Variants in PROM2 observed in about 807,000 individuals in gnomAD.
PROM2 encodes the protein prominin-2.
In PROM2, 90 loss-of-function variants were observed where a neutral mutation model predicts 110.2. That is an observed-to-expected ratio of 0.82 (90% CI 0.69 to 0.97). The LOEUF (loss-of-function observed/expected upper bound fraction) is 0.97, where lower values mean the gene tolerates loss of function less well. Ranked by LOEUF, PROM2 falls within the 50% of genes least tolerant of loss-of-function variation. The pLI is 0.00. For synonymous variants in PROM2, 470 were observed against 467.8 expected (o/e 1.00, Z -0.06); for missense variants, 1,009 against 1,074.8 (o/e 0.94, Z 0.86).
Position 95,288,217 on chromosome 2 carries a change from C to G in PROM2, c.2251C>G (p.Gln751Glu). ...CCTCATGTTGGCGCCACAGGTGACT[C>G]AGCGCATTGCCACCTGCCAGCCCCT... is the stretch of plus-strand genomic sequence containing the variant. ...YVAWVREEVT[Q>E]RIATCQPLSG... The change falls in exon 21 of 24, where the codon CAG becomes GAG. Residue 751 changes from glutamine to glutamate, a missense_variant. Transcript: ENST00000317620. 2 of 1,613,712 alleles carry G rather than the reference C, an allele frequency of 1.2e-6. No homozygotes were observed. Among genetic ancestry groups the G allele is most frequent in the Non-Finnish European group, 1.7e-6 (2 of 1,180,010 alleles).
intron 16 of PROM2, 29 bp from the exon 17 acceptor site, chr2:95,286,450 G>A (rs1350538179): frequency 3.0e-5 from 48 of 1,601,416 alleles, no homozygotes; most frequent in Non-Finnish European, 4.0e-5. Flanking sequence ...GTCCTGGGCG[G>A]GGCCGTTCTG....
chr2:95,282,013 A>T lies in PROM2; in HGVS notation c.1640A>T (p.Tyr547Phe). ...AAGAACATCAGCATCCACCAAGCCTATCAGTGAGTGGACAGCCTGGGCAGA... is the reference window on the plus strand; with the variant it reads ...AAGAACATCAGCATCCACCAAGCCTTTCAGTGAGTGGACAGCCTGGGCAGA... ...LRKNISIHQA[Y>F]QQCKEGAALW... The change falls in exon 13 of 24, where the codon TAT (tyrosine) becomes TTT (phenylalanine). Residue 547 changes from tyrosine to phenylalanine, a missense_variant. Tyr to Phe is a conservative substitution (Grantham distance 22). Transcript: ENST00000317620. The T allele has an allele frequency of 6.2e-7, 1 of 1,614,038 alleles. No individual in the cohort carries two copies. Among genetic ancestry groups the T allele is most frequent in the African/African-American group, 1.3e-5 (1 of 75,042 alleles).
intron 14 of PROM2, among the ~76,000 whole-genome samples, chr2:95,284,156 G>A (rs543802850): frequency 8.7e-4 from 133 of 152,316 alleles, no homozygotes; most frequent in Non-Finnish European, 1.6e-3. Flanking sequence ...AGGGCAGGGG[G>A]CCCTGAGGGC....
chr2:95,278,779 T>C lies in PROM2; in HGVS notation c.1109T>C (p.Val370Ala), dbSNP rs762479534. Residue 370 changes from valine (V) to alanine (A), a missense_variant, in exon 9 of 24, where the codon GTG becomes GCG. Val to Ala is a moderately conservative substitution (Grantham distance 64, BLOSUM62 0). Transcript: ENST00000317620. Reference sequence around the variant, plus strand: ...GCTGCCATGCAGACATCCAGCGTGGTGCAAGGTTAGGCCACACGGGTCAGA... The same window carrying C: ...GCTGCCATGCAGACATCCAGCGTGGCGCAAGGTTAGGCCACACGGGTCAGA... ...ALAAMQTSSV[V>A]QELKKAVAQQ... 10 of 1,613,860 alleles carry C rather than the reference T, an allele frequency of 6.2e-6. No individual in the cohort carries two copies. In the Admixed American group the frequency reaches 1.0e-4, roughly 16 times the overall value.
intron 11 of PROM2, among the ~76,000 whole-genome samples, chr2:95,280,477 G>T (rs1169186094): frequency 1.3e-5 from 2 of 152,162 alleles, no homozygotes; most frequent in Admixed American, 1.3e-4. Flanking sequence ...GAGCCCCCTG[G>T]TCTAAGATCT....
At chr2:95,281,862 G>A in intron 12 of PROM2, 63 bp from the exon 13 acceptor site, 1 of 1,154,348 alleles carries the variant, frequency 8.7e-7, no homozygotes, top group Non-Finnish European at 1.3e-6. Flanking sequence ...CCAGGCCCTA[G>A]GGGACCAGGG....
chr2:95,284,495 CCCAA>C (rs1426552112), intron 14 of PROM2, among the ~76,000 whole-genome samples: 2 of 151,616 alleles, frequency 1.3e-5, no homozygotes, highest in African/African-American at 4.8e-5. Context: ...TGTCCGCTTC[CCCAA>C]CCAAAAAAAA....
intron 14 of PROM2, 51 bp downstream of exon 14, chr2:95,282,277 T>C (rs1677097017): frequency 6.8e-7 from 1 of 1,467,890 alleles, no homozygotes. Flanking sequence ...ATCCCCCTCC[T>C]CTGGTCTTTT....
At position 95,284,992 on chromosome 2, in the gene PROM2, G is replaced by A. The variant is rs1382044484; in HGVS notation, c.1752G>A (p.Glu584=). Residue 584 remains glutamate, a synonymous_variant, in exon 15 of 24, where the codon GAG becomes GAA. Coordinates refer to ENST00000317620, the MANE Select transcript of PROM2 (RefSeq NM_001165978.3). ...INQYTNKLRQ[E]LQSLKVDTQS... is the part of the protein sequence containing the mutation. ...AGTATACCAACAAGCTACGGCAGGA[G>A]TTGCAGAGCCTGAAAGTAGACACAC... is the stretch of plus-strand genomic sequence containing the variant. 3.7e-6 allele frequency: 6 copies of A among 1,609,674 alleles called. No individual in the cohort carries two copies. The African/African-American group carries it at 6.7e-5, about 18-fold the overall frequency.
In PROM2 at chr2:95,282,176, C is replaced by G; in HGVS notation, c.1678C>G (p.Leu560Val). 1 of 1,614,040 alleles carries G rather than the reference C, an allele frequency of 6.2e-7. No individual in the cohort carries two copies. The highest frequency in any genetic ancestry group is 2.2e-5 in the East Asian group (1 of 44,860). ...CKEGAALWTV[L>V]QLNDSYDLEE... is the part of the protein sequence containing the mutation. ...GGAAGGGGCAGCGCTCTGGACAGTC[C>G]TGCAGCTCAACGACTCCTACGACCT... The change falls in exon 14 of 24, where the codon CTG becomes GTG. Residue 560 changes from leucine (L) to valine (V), a missense_variant. Coordinates refer to ENST00000317620, the MANE Select transcript of PROM2 (RefSeq NM_001165978.3).
chr2:95,282,078 C>T, intron 13 of PROM2, 62 bp downstream of exon 13: 1 of 1,594,788 alleles, frequency 6.3e-7, no homozygotes, highest in East Asian at 2.2e-5. Context: ...CGGTGTCCCT[C>T]AGGGGACATC....
intron 12 of PROM2, 31 bp downstream of exon 12, chr2:95,281,396 G>A (rs747361413): frequency 1.2e-6 from 2 of 1,601,716 alleles, no homozygotes; most frequent in South Asian, 2.2e-5. Context: ...AGGCCCTCCT[G>A]GGGAGAGAGG....
intron 18 of PROM2, 57 bp downstream of exon 18, chr2:95,286,914 G>A: frequency 1.9e-6 from 3 of 1,573,412 alleles, no homozygotes; most frequent in South Asian, 2.2e-5. Flanking sequence ...AGGCGGGGAG[G>A]AAGTAGGAGC....
intron 6 of PROM2, 92 bp downstream of exon 6, chr2:95,277,153 C>A: frequency 8.0e-7 from 1 of 1,247,844 alleles, no homozygotes; most frequent in Non-Finnish European, 1.1e-6. Context: ...TTTCCTGAGC[C>A]ACCTCTGCCC....
At position 95,276,044 on chromosome 2, in the gene PROM2, G is replaced by A. The variant is rs534610509; in HGVS notation, c.409G>A (p.Gly137Arg). The A allele has an allele frequency of 1.1e-3, 1,744 of 1,611,360 alleles. 29 individuals carry two copies. The South Asian group carries it at 0.018, about 16-fold the overall frequency. ...CTGCTGCCGCTGCCACCGGCGCTGC[G>A]GGGGACGAGTGAAGACAGAGCACAA... ...FCCCRCHRRC[G>R]GRVKTEHKAL... The change falls in exon 3 of 24, where the codon GGG becomes AGG. Residue 137 changes from glycine (G) to arginine (R), a missense_variant. By Grantham distance (125) the Gly-to-Arg change is moderately radical. Transcript: ENST00000317620. This position sits in a 1 kb window ranked among gnomAD's most constrained non-coding sequence, Gnocchi z 4.6.
At position 95,286,847 on chromosome 2, in the gene PROM2, C is replaced by T. The variant is rs757571776; in HGVS notation, c.2084C>T (p.Pro695Leu). Reference protein sequence around the residue: ...LSVRALESSAPNLQLETSDVL... With the variant: ...LSVRALESSALNLQLETSDVL... ...GTCAGGGCCCTGGAGTCCTCTGCCC[C>T]GAATCTCCAGGTGGCTGCTGTTGGT... The change falls in exon 18 of 24, where the codon CCG (proline) becomes CTG (leucine). Residue 695 changes from proline to leucine, a missense_variant. Coordinates refer to ENST00000317620, the MANE Select transcript of PROM2 (RefSeq NM_001165978.3). The T allele has an allele frequency of 3.1e-6, 5 of 1,613,820 alleles. No homozygotes were observed. Among genetic ancestry groups the T allele is most frequent in the African/African-American group, 1.3e-5 (1 of 75,008 alleles).
In PROM2 at chr2:95,286,803, G is replaced by A. The variant is rs1166399168; in HGVS notation, c.2041-1G>A. On this transcript the variant is annotated splice_acceptor_variant, in intron 17 of 23. Coordinates refer to ENST00000317620, the MANE Select transcript of PROM2 (RefSeq NM_001165978.3). LOFTEE classifies it high-confidence loss of function. ...AACCAGCCCTGATCTCTTCTCCACAGGCAAAGCTCAACCTCAGCGTCAGGG... is the reference window on the plus strand; with the variant it reads ...AACCAGCCCTGATCTCTTCTCCACAAGCAAAGCTCAACCTCAGCGTCAGGG... 1.9e-6 allele frequency: 3 copies of A among 1,613,028 alleles called. No homozygotes were observed. Among genetic ancestry groups the A allele is most frequent in the Admixed American group, 1.7e-5 (1 of 59,954 alleles).
At chr2:95,278,955 C>T (rs199869439) in intron 9 of PROM2, 30 bp from the exon 10 acceptor site, 85 of 1,596,402 alleles carry the variant, frequency 5.3e-5, no homozygotes, top group Non-Finnish European at 7.1e-5. Context: ...GTGCCCTCCG[C>T]ATCCCACAAG....
At chr2:95,277,712 G>A (rs1676759580) in intron 7 of PROM2, 146 bp downstream of exon 7, 1 of 882,524 alleles carries the variant, frequency 1.1e-6, no homozygotes. Context: ...TCCTGGCAGT[G>A]GGTGGAGTGC....
Sources: gnomAD v4.1 joint callset for allele counts (sites outside exome capture counted in the v4.1 genomes callset) on GRCh38, gnomAD v4.1.1 for gene constraint, Gnocchi (gnomAD v3.1) non-coding constraint, MANE v1.5 for transcripts, NCBI Gene and HGNC (gene_info 2026-07-23, HGNC 2026-07-21) for gene names.